PDE7B: variants seen among roughly 807,000 people sequenced by gnomAD.
PDE7B encodes phosphodiesterase 7B.
A neutral mutation model predicts 56.2 loss-of-function variants in PDE7B; 29 were observed. The ratio of observed to expected loss-of-function variants is 0.52; its 90% confidence interval spans 0.38 to 0.70. The LOEUF (loss-of-function observed/expected upper bound fraction) is 0.70. Ranked by LOEUF, PDE7B falls within the 30% of genes least tolerant of loss-of-function variation. PDE7B has a pLI of 0.00. For synonymous variants in PDE7B, 197 were observed against 196.9 expected (o/e 1.00, Z 0.00); for missense variants, 490 against 565.0 (o/e 0.87, Z 1.35).
chr6:135,869,322 G>A (rs1354615848), intron 1 of PDE7B, among the ~76,000 whole-genome samples: 2 of 152,010 alleles, frequency 1.3e-5, no homozygotes, highest in Non-Finnish European at 2.9e-5. Flanking sequence ...GTATATTTAT[G>A]AAGTCTTGAG....
chr6:136,110,549 A>G (rs1777726404), intron 3 of PDE7B, among the ~76,000 whole-genome samples: 1 of 152,186 alleles, frequency 6.6e-6, no homozygotes, highest in Non-Finnish European at 1.5e-5. Flanking sequence ...TGAACCACAA[A>G]GGAATTAGGA....
At chr6:135,934,313 A>C (rs1774349906) in intron 1 of PDE7B, among the ~76,000 whole-genome samples, 4 of 152,204 alleles carry the variant, frequency 2.6e-5, no homozygotes, top group Admixed American at 2.0e-4. Flanking sequence ...ATGAGATAGA[A>C]TATAGGTATT....
intron 2 of PDE7B, among the ~76,000 whole-genome samples, chr6:136,076,077 G>A (rs1026360529): frequency 5.9e-5 from 9 of 152,160 alleles, no homozygotes; most frequent in Admixed American, 5.9e-4. Flanking sequence ...TCAGCCAGAG[G>A]TACAATGGGA....
At chr6:135,902,975 A>T (rs531735555) in intron 1 of PDE7B, among the ~76,000 whole-genome samples, 1 of 152,338 alleles carries the variant, frequency 6.6e-6, no homozygotes, top group African/African-American at 2.4e-5. Flanking sequence ...GCACTGAGTA[A>T]GTGGTATTTA....
At chr6:136,050,014 T>C (rs926237350) in intron 2 of PDE7B, among the ~76,000 whole-genome samples, 2 of 152,132 alleles carry the variant, frequency 1.3e-5, no homozygotes, top group South Asian at 2.1e-4. Flanking sequence ...GAGCTAGTTA[T>C]TGACTGCACA....
intron 2 of PDE7B, among the ~76,000 whole-genome samples, chr6:135,989,726 T>C (rs537006077): frequency 6.6e-6 from 1 of 152,352 alleles, no homozygotes; most frequent in East Asian, 1.9e-4. Flanking sequence ...TCAATCAAAT[T>C]CATTCTAGAG....
chr6:135,866,088 T>C (rs949857825), intron 1 of PDE7B, among the ~76,000 whole-genome samples: 33 of 152,160 alleles, frequency 2.2e-4, no homozygotes, highest in African/African-American at 7.5e-4. Flanking sequence ...TCATTAACTT[T>C]AAAAAACAAA....
At chr6:135,937,895 A>T (rs1036594281) in intron 1 of PDE7B, among the ~76,000 whole-genome samples, 1 of 152,156 alleles carries the variant, frequency 6.6e-6, no homozygotes. Flanking sequence ...TCTTGTACAC[A>T]CTACCACCAA....
At chr6:135,949,461 A>G (rs1024976038) in intron 2 of PDE7B, among the ~76,000 whole-genome samples, 5 of 152,086 alleles carry the variant, frequency 3.3e-5, no homozygotes, top group African/African-American at 1.2e-4. Context: ...AATCTGCCAG[A>G]TTGCACAAAA....
intron 1 of PDE7B, among the ~76,000 whole-genome samples, chr6:135,877,863 A>G (rs1265441252): frequency 1.3e-5 from 2 of 151,846 alleles, no homozygotes; most frequent in Non-Finnish European, 2.9e-5. Context: ...AGTGTAAAAC[A>G]CGTGCTTCAG....
intron 3 of PDE7B, among the ~76,000 whole-genome samples, chr6:136,122,536 C>T (rs1034366802): frequency 2.6e-5 from 4 of 152,128 alleles, no homozygotes; most frequent in Non-Finnish European, 1.5e-5. Flanking sequence ...TTATAAAAAC[C>T]TCAAAAACTC....
intron 2 of PDE7B, among the ~76,000 whole-genome samples, chr6:135,976,770 A>G (rs1775193730): frequency 6.6e-6 from 1 of 152,180 alleles, no homozygotes; most frequent in African/African-American, 2.4e-5. Context: ...TGATCTGCAA[A>G]TAGTATGATA....
chr6:135,928,528 TACACACACACAC>T (rs747659706), intron 1 of PDE7B, among the ~76,000 whole-genome samples: 37 of 134,660 alleles, frequency 2.7e-4, no homozygotes, highest in East Asian at 8.6e-4. Flanking sequence ...TTTATATATA[TACACACACACAC>T]ACATACACAC....
chr6:136,155,187 G>A (rs1288062669), intron 7 of PDE7B, among the ~76,000 whole-genome samples: 1 of 152,142 alleles, frequency 6.6e-6, no homozygotes, highest in Non-Finnish European at 1.5e-5. Flanking sequence ...CTTTCAAAGT[G>A]GCAAAGATAT....
intron 8 of PDE7B, among the ~76,000 whole-genome samples, chr6:136,157,535 G>A (rs1209875304): frequency 2.0e-5 from 3 of 152,174 alleles, no homozygotes; most frequent in African/African-American, 7.2e-5. Flanking sequence ...CCAAGATGGC[G>A]CCACTGCACT....
chr6:136,056,150 T>C lies in PDE7B; in HGVS notation c.83-52581T>C, dbSNP rs138922254. Among the ~76,000 whole-genome samples, 146 of 152,278 alleles carry C rather than the reference T, an allele frequency of 9.6e-4. 1 individual carries two copies. The highest frequency in any genetic ancestry group is 3.3e-3 in the African/African-American group (139 of 41,564). On this transcript the variant is annotated intron_variant, in intron 2 of 12. Transcript: ENST00000308191. ...CATGTTCTGTATTGTGTGTCTTAAC[T>C]TCTTAGAGGTGAGCTGCTCCTATTC...
chr6:136,046,903 T>C (rs1583847225), intron 2 of PDE7B, among the ~76,000 whole-genome samples: 1 of 152,284 alleles, frequency 6.6e-6, no homozygotes, highest in South Asian at 2.1e-4. Flanking sequence ...AAACAATGAA[T>C]ATCAGCTCCC....
intron 2 of PDE7B, among the ~76,000 whole-genome samples, chr6:135,999,013 G>A (rs1205316707): frequency 6.6e-6 from 1 of 151,996 alleles, no homozygotes; most frequent in East Asian, 1.9e-4. Context: ...CTGAGAAAGA[G>A]GAAGAGAACG....
In PDE7B at chr6:135,968,866, T is replaced by G. The variant is rs902428461; in HGVS notation, c.82+21342T>G. 3.9e-5 allele frequency among the ~76,000 whole-genome samples: 6 copies of G among 152,190 alleles called. No homozygotes were observed. The East Asian group carries it at 5.8e-4, about 15-fold the overall frequency. On this transcript the variant is annotated intron_variant, in intron 2 of 12. Transcript: ENST00000308191. ...AAATTCATTGCAGCACCATTCACAA[T>G]AGCAAAGATGAAATCAACCCAAATG...
Sources: gnomAD v4.1 joint callset for allele counts (sites outside exome capture counted in the v4.1 genomes callset) on GRCh38, gnomAD v4.1.1 for gene constraint, MANE v1.5 for transcripts, NCBI Gene and HGNC (gene_info 2026-07-23, HGNC 2026-07-21) for gene names.